SGK1: variants seen among roughly 807,000 people sequenced by gnomAD.
SGK1 encodes serum/glucocorticoid regulated kinase 1.
A neutral mutation model predicts 64.2 loss-of-function variants in SGK1; 26 were observed. The observed-to-expected ratio is 0.40, with a 90% CI of 0.30 to 0.56. The LOEUF is 0.56. Ranked by LOEUF, SGK1 falls within the 20% of genes least tolerant of loss-of-function variation. The pLI is 0.38. For missense variants in SGK1, 519 were observed against 645.6 expected (o/e 0.80, Z 2.12); for synonymous variants, 265 against 239.7 (o/e 1.11, Z -0.98).
At chr6:134,183,272 T>C (rs961167852) in intron 3 of SGK1, among the ~76,000 whole-genome samples, 46 of 144,620 alleles carry the variant, frequency 3.2e-4, no homozygotes, top group Non-Finnish European at 5.1e-4. Flanking sequence ...GGGATATCCG[T>C]CATCTCAAAC....
intron 1 of SGK1, among the ~76,000 whole-genome samples, chr6:134,303,794 A>AAAAG (rs113469645): frequency 5.3e-5 from 8 of 150,352 alleles, no homozygotes; most frequent in South Asian, 2.1e-4. Context: ...CAAGAAAAAA[A>AAAAG]AAAAGAAAAG....
chr6:134,188,855 C>A (rs1192734175), intron 3 of SGK1, among the ~76,000 whole-genome samples: 1 of 151,722 alleles, frequency 6.6e-6, no homozygotes, highest in Non-Finnish European at 1.5e-5. Context: ...ACTTCAGCCT[C>A]CTGAGTATCT....
At chr6:134,270,042 C>T (rs1776916386) in intron 1 of SGK1, among the ~76,000 whole-genome samples, 1 of 147,690 alleles carries the variant, frequency 6.8e-6, no homozygotes, top group Admixed American at 6.9e-5. Context: ...CTGCTTCAGC[C>T]TCCCGAGTAG....
chr6:134,204,946 T>C (rs960635849), intron 3 of SGK1, among the ~76,000 whole-genome samples: 1 of 151,970 alleles, frequency 6.6e-6, no homozygotes, highest in Non-Finnish European at 1.5e-5. Flanking sequence ...CTTCCCTCCC[T>C]CCCTCCTTTT....
chr6:134,302,381 A>C (rs1777471877), intron 1 of SGK1, among the ~76,000 whole-genome samples: 1 of 152,218 alleles, frequency 6.6e-6, no homozygotes, highest in African/African-American at 2.4e-5. Context: ...ACAACTATCT[A>C]TAGAAGATAA....
At chr6:134,228,880 T>G (rs1258004171) in intron 2 of SGK1, among the ~76,000 whole-genome samples, 14 of 149,904 alleles carry the variant, frequency 9.3e-5, no homozygotes, top group Admixed American at 7.5e-4. Context: ...GTCTCGCTCT[T>G]TCACCCAGGT....
Position 134,171,104 on chromosome 6 carries a change from A to T in SGK1, c.1242T>A (p.Asn414Lys). The change falls in exon 12 of 14, where the codon AAT becomes AAA. Residue 414 changes from asparagine (N) to lysine (K), a missense_variant. By Grantham distance (94) the Asn-to-Lys change is moderately conservative. Coordinates refer to ENST00000367858, the MANE Select transcript of SGK1 (RefSeq NM_001143676.3). Reference sequence around the variant, plus strand: ...GGAGGTGTCTTGCGGAATTTGTAATATTTGGTTTCAGCTGGAGAGGCTTGT... The same window carrying T: ...GGAGGTGTCTTGCGGAATTTGTAATTTTTGGTTTCAGCTGGAGAGGCTTGT... ...ILNKPLQLKP[N>K]ITNSARHLLE... 1 of 1,614,060 alleles carries T rather than the reference A, an allele frequency of 6.2e-7. No homozygotes were observed. Among genetic ancestry groups the T allele is most frequent in the South Asian group, 1.1e-5 (1 of 91,080 alleles).
chr6:134,231,108 G>A (rs981949325), intron 2 of SGK1, among the ~76,000 whole-genome samples: 23 of 152,210 alleles, frequency 1.5e-4, no homozygotes, highest in Admixed American at 5.2e-4. Flanking sequence ...AGGATTGCTT[G>A]AGCTGGGGAG....
At chr6:134,213,892 AAAT>A (rs1409876596) in intron 2 of SGK1, among the ~76,000 whole-genome samples, 1 of 152,168 alleles carries the variant, frequency 6.6e-6, no homozygotes, top group African/African-American at 2.4e-5. Flanking sequence ...TGCAATTTTA[AAAT>A]ATTTTATTAT....
chr6:134,175,534 C>T (rs758819263), intron 3 of SGK1: 4 of 1,475,008 alleles, frequency 2.7e-6, no homozygotes, highest in Admixed American at 4.6e-5. Flanking sequence ...GGGCCGGCGG[C>T]GGCGCTTACC....
chr6:134,186,824 GT>G (rs964420471), intron 3 of SGK1, among the ~76,000 whole-genome samples: 5 of 147,630 alleles, frequency 3.4e-5, no homozygotes, highest in African/African-American at 7.5e-5. Context: ...TTTTTTTTTG[GT>G]TTTTTTTTTG....
chr6:134,191,033 G>A (rs1775501684), intron 3 of SGK1, among the ~76,000 whole-genome samples: 1 of 152,138 alleles, frequency 6.6e-6, no homozygotes, highest in South Asian at 2.1e-4. Context: ...AAAGAGACTG[G>A]GTAAAAGCAT....
chr6:134,288,091 G>A (rs761850479), intron 1 of SGK1, among the ~76,000 whole-genome samples: 3 of 152,140 alleles, frequency 2.0e-5, no homozygotes, highest in Non-Finnish European at 4.4e-5. Context: ...GACTCAGACC[G>A]GAAGGTTAGT....
intron 1 of SGK1, 148 bp downstream of exon 1, chr6:134,317,244 G>A (rs1033964896): frequency 2.9e-6 from 2 of 686,376 alleles, no homozygotes. Flanking sequence ...ATCAAGTCAG[G>A]TATAGTTCTC....
chr6:134,176,526 G>T (rs1775238224), intron 3 of SGK1, among the ~76,000 whole-genome samples: 1 of 152,204 alleles, frequency 6.6e-6, no homozygotes, highest in Admixed American at 6.5e-5. Context: ...TGGCCGGGAA[G>T]CCGCGAGCAC....
chr6:134,174,633 A>C (rs1319183419), intron 3 of SGK1, 47 bp from the exon 4 acceptor site: 1 of 1,605,838 alleles, frequency 6.2e-7, no homozygotes. Context: ...ACGGCTTCAT[A>C]ACGTCCGGCG....
chr6:134,177,780 C>T (rs772545265), intron 3 of SGK1: 1 of 1,613,842 alleles, frequency 6.2e-7, no homozygotes, highest in East Asian at 2.2e-5. Context: ...GAATAAGCCT[C>T]CCTGCTACAT....
At chr6:134,193,426 T>C (rs1237480161) in intron 3 of SGK1, among the ~76,000 whole-genome samples, 1 of 152,080 alleles carries the variant, frequency 6.6e-6, no homozygotes, top group African/African-American at 2.4e-5. Context: ...ACACTTCAAA[T>C]ACTGAACATT....
chr6:134,247,747 C>T (rs1246260574), intron 2 of SGK1, among the ~76,000 whole-genome samples: 2 of 152,138 alleles, frequency 1.3e-5, no homozygotes, highest in African/African-American at 4.8e-5. Context: ...AAAATGGAAG[C>T]CAGAGCCAAC....
Sources: gnomAD v4.1 joint callset for allele counts (sites outside exome capture counted in the v4.1 genomes callset) on GRCh38, gnomAD v4.1.1 for gene constraint, MANE v1.5 for transcripts, NCBI Gene and HGNC (gene_info 2026-07-23, HGNC 2026-07-21) for gene names.